Variants in LRRK1 observed in about 807,000 individuals in gnomAD.
The protein encoded by LRRK1 is leucine-rich repeat serine/threonine-protein kinase 1.
A neutral mutation model predicts 209.1 loss-of-function variants in LRRK1; 113 were observed. The ratio of observed to expected loss-of-function variants is 0.54; its 90% confidence interval spans 0.46 to 0.63. The LOEUF (loss-of-function observed/expected upper bound fraction) is 0.63, where lower values mean the gene tolerates loss of function less well. Ranked by LOEUF, LRRK1 falls within the 30% of genes least tolerant of loss-of-function variation. The probability of loss-of-function intolerance (pLI) is 0.00; values close to 1 mark genes in which losing one functional copy is unlikely to be tolerated. For synonymous variants in LRRK1, 1,144 were observed against 1,099.7 expected (o/e 1.04, Z -0.80); for missense variants, 2,284 against 2,632.2 (o/e 0.87, Z 2.89).
At chr15:100,971,343 AAAAAAG>A (rs2030871886) in intron 2 of LRRK1, among the ~76,000 whole-genome samples, 1 of 148,868 alleles carries the variant, frequency 6.7e-6, no homozygotes, top group Non-Finnish European at 1.5e-5. Flanking sequence ...CAAAAAAAAA[AAAAAAG>A]AAAAGAAAAA....
At chr15:100,937,526 TATTA>T (rs2042322692) in intron 2 of LRRK1, among the ~76,000 whole-genome samples, 1 of 138,434 alleles carries the variant, frequency 7.2e-6, no homozygotes, top group Non-Finnish European at 1.5e-5. Flanking sequence ...TTTATTTATT[TATTA>T]TTTTATTTTA....
intron 20 of LRRK1, among the ~76,000 whole-genome samples, chr15:101,029,970 A>T (rs2034210408): frequency 6.6e-6 from 1 of 152,214 alleles, no homozygotes; most frequent in Admixed American, 6.5e-5. Flanking sequence ...TGAGAGCAAC[A>T]TCATCAGCTA....
chr15:101,068,894 C>T lies in LRRK1; in HGVS notation c.*46C>T. On this transcript the variant is annotated 3_prime_UTR_variant, in exon 34 of 34. Coordinates refer to ENST00000388948, the MANE Select transcript of LRRK1 (RefSeq NM_024652.6). ...CACATCAGAGCTGGCTGGCCCGGGG[C>T]TGCAGCCTGACCCCTCTGCCATCGG... 1.3e-6 allele frequency: 2 copies of T among 1,527,082 alleles called. No homozygotes were observed. The highest frequency in any genetic ancestry group is 1.4e-5 in the African/African-American group (1 of 72,644). 94.6% of individuals were successfully genotyped at this position (1,527,082 alleles called of 1,614,324 possible).
At chr15:100,941,299 T>C (rs1478853195) in intron 2 of LRRK1, among the ~76,000 whole-genome samples, 2 of 119,370 alleles carry the variant, frequency 1.7e-5, no homozygotes, top group African/African-American at 3.6e-5. Context: ...TCTGTGTGTG[T>C]CTATGTGTGT....
intron 24 of LRRK1, 110 bp downstream of exon 24, chr15:101,052,070 C>A: frequency 7.7e-7 from 1 of 1,303,546 alleles, no homozygotes; most frequent in Non-Finnish European, 1.1e-6. Context: ...GGGCAGGTGC[C>A]CCGGCCATGG....
rs900253227 is a variant in LRRK1, at chr15:101,077,309, T to C, written c.*8461T>C. On this transcript the variant is annotated 3_prime_UTR_variant, in exon 34 of 34. Transcript: ENST00000388948. ...TATCTTCTGTCTAGTCGTACTCCTA[T>C]TCACCATTCTCAACTACTCATACGT... The C allele has an allele frequency of 6.6e-6, 1 of 152,240 alleles. No homozygotes were observed. The highest frequency in any genetic ancestry group is 2.4e-5 in the African/African-American group (1 of 41,454). The allele number at this position is 152,240 out of a possible 1,614,324, so 9.4% of individuals were successfully genotyped here.
At chr15:100,963,355 C>T (rs899229700) in intron 2 of LRRK1, among the ~76,000 whole-genome samples, 11 of 152,346 alleles carry the variant, frequency 7.2e-5, no homozygotes, top group East Asian at 5.8e-4. Flanking sequence ...TGGGCCCCAG[C>T]GTCAGGATGC....
chr15:101,028,772 C>A (rs1468673814), intron 19 of LRRK1, among the ~76,000 whole-genome samples, 184 bp from the exon 20 acceptor site: 1 of 152,232 alleles, frequency 6.6e-6, no homozygotes, highest in Non-Finnish European at 1.5e-5. Flanking sequence ...GCAAGAGTTA[C>A]CAGGGGCCAC....
chr15:100,958,028 A>G (rs1464425252), intron 2 of LRRK1, among the ~76,000 whole-genome samples: 1 of 151,840 alleles, frequency 6.6e-6, no homozygotes. Context: ...ACCACACCCA[A>G]CTAATTTTTG....
chr15:100,957,039 C>A (rs909331943), intron 2 of LRRK1, among the ~76,000 whole-genome samples: 1 of 152,014 alleles, frequency 6.6e-6, no homozygotes, highest in African/African-American at 2.4e-5. Flanking sequence ...TTTTTGATTT[C>A]TTCTATGACC....
At chr15:100,924,477 A>G in intron 1 of LRRK1, 34 bp from the exon 2 acceptor site, 1 of 620,608 alleles carries the variant, frequency 1.6e-6, no homozygotes, top group Non-Finnish European at 2.9e-6. Context: ...AGGAATTATA[A>G]AGGCTTTCTG....
chr15:100,984,982 A>G (rs2031793391), intron 4 of LRRK1, among the ~76,000 whole-genome samples: 1 of 152,178 alleles, frequency 6.6e-6, no homozygotes, highest in African/African-American at 2.4e-5. Context: ...CTCTGTACTC[A>G]CTATCTTAAA....
intron 2 of LRRK1, among the ~76,000 whole-genome samples, chr15:100,958,728 C>T (rs995299727): frequency 6.6e-6 from 1 of 152,198 alleles, no homozygotes; most frequent in Non-Finnish European, 1.5e-5. Context: ...CTTCCATCCA[C>T]TTGACCCTCA....
At chr15:100,941,478 G>GTCTGTGTGTGTCTATGTCTC (rs1567191323) in intron 2 of LRRK1, among the ~76,000 whole-genome samples, 8 of 147,672 alleles carry the variant, frequency 5.4e-5, no homozygotes, top group Admixed American at 1.3e-4. Flanking sequence ...GTGTGTGTGT[G>GTCTGTGTGTGTCTATGTCTC]TGTGTGTGTG....
At chr15:101,063,880 C>T (rs1012252917) in intron 31 of LRRK1, among the ~76,000 whole-genome samples, 3 of 152,070 alleles carry the variant, frequency 2.0e-5, no homozygotes, top group East Asian at 1.9e-4. Context: ...AGCGAGGCTA[C>T]GCAGCTTGGG....
rs1484825028 is a variant in LRRK1, at chr15:101,075,042, C to A, written c.*6194C>A. 1.0e-5 allele frequency: 1 copy of A among 99,802 alleles called. No homozygotes were observed. The highest frequency in any genetic ancestry group is 3.9e-5 in the African/African-American group (1 of 25,716). The allele number at this position is 99,802 out of a possible 1,614,324, so 6.2% of individuals were successfully genotyped here. On this transcript the variant is annotated 3_prime_UTR_variant, in exon 34 of 34. Transcript: ENST00000388948. ...ACTGCCCGATCACCTCGGAAGCCCC[C>A]TAGACCATCACGGACGCCGAGCTGC...
chr15:100,968,185 T>C (rs963095253), intron 2 of LRRK1, among the ~76,000 whole-genome samples: 2 of 152,354 alleles, frequency 1.3e-5, no homozygotes, highest in Non-Finnish European at 2.9e-5. Context: ...AGTCTTTCCA[T>C]AGATCAATCG....
At chr15:100,985,783 G>T (rs758924859) in intron 4 of LRRK1, among the ~76,000 whole-genome samples, 6 of 152,258 alleles carry the variant, frequency 3.9e-5, no homozygotes, top group Non-Finnish European at 7.3e-5. Flanking sequence ...ATTGTGGTGG[G>T]CTTTGCAGAA....
chr15:101,033,657 C>T (rs2034377443), intron 20 of LRRK1, among the ~76,000 whole-genome samples: 1 of 152,104 alleles, frequency 6.6e-6, no homozygotes, highest in South Asian at 2.1e-4. Flanking sequence ...TTTCTTTATC[C>T]ATTTCTCCAT....
Sources: allele counts gnomAD v4.1 joint callset (sites outside exome capture counted in the v4.1 genomes callset), GRCh38; gene constraint gnomAD v4.1.1; transcripts MANE v1.5; gene names NCBI Gene and HGNC (gene_info 2026-07-23, HGNC 2026-07-21).